The following ARHGAP35 variants were observed in gnomAD, a reference collection of about 807,000 sequenced individuals.
ARHGAP35 encodes the protein rho GTPase-activating protein 35.
ARHGAP35 carries 15 observed loss-of-function variants against 111.1 expected under a neutral mutation model. The ratio of observed to expected loss-of-function variants is 0.13; its 90% CI spans 0.09 to 0.21. The LOEUF is 0.21. ARHGAP35 is among the 10% of genes least tolerant of loss of function. ARHGAP35 has a pLI of 1.00. For synonymous variants in ARHGAP35, 643 were observed against 710.3 expected (o/e 0.91, Z 1.51); for missense variants, 1,262 against 1,873.0 (o/e 0.67, Z 6.02).
At chr19:46,880,079 A>G (rs2055952104) in intron 1 of ARHGAP35, among the ~76,000 whole-genome samples, 4 of 150,848 alleles carry the variant, frequency 2.7e-5, no homozygotes, top group South Asian at 2.1e-4. Context: ...AGGCAAGACA[A>G]TGTCTCAAAA....
At position 46,948,502 on chromosome 19, in the gene ARHGAP35, C is replaced by T. The variant is rs1468659809; in HGVS notation, c.3826+11094C>T. Reference sequence around the variant, plus strand: ...TTCTAGCAGCTTTGTTCATGACAGCCCCAAACTAGGAGCCACCCAGATGTC... The same window carrying T: ...TTCTAGCAGCTTTGTTCATGACAGCTCCAAACTAGGAGCCACCCAGATGTC... On this transcript the variant is annotated intron_variant, in intron 3 of 6. Coordinates refer to ENST00000672722, the MANE Select transcript of ARHGAP35 (RefSeq NM_004491.5). 3 of 152,198 alleles carry T rather than the reference C, an allele frequency of 2.0e-5. No individual in the cohort carries two copies. In the East Asian group the frequency reaches 5.8e-4, roughly 29 times the overall value. The allele number at this position is 152,198 out of a possible 1,614,324, so 9.4% of individuals were successfully genotyped here.
intron 3 of ARHGAP35, among the ~76,000 whole-genome samples, chr19:46,955,560 C>T (rs959547893): frequency 6.6e-6 from 1 of 152,128 alleles, no homozygotes; most frequent in African/African-American, 2.4e-5. Context: ...ATACCTTATT[C>T]ACATAGCATG....
At chr19:46,861,896 C>T (rs1297946993) in intron 1 of ARHGAP35, among the ~76,000 whole-genome samples, 2 of 142,202 alleles carry the variant, frequency 1.4e-5, no homozygotes, top group Non-Finnish European at 3.1e-5. Context: ...GACTGAATCC[C>T]GTTCCCTCGT....
In ARHGAP35 at chr19:46,997,034, G is replaced by A. The variant is rs555311787; in HGVS notation, c.4037-2270G>A. 9.8e-4 allele frequency among the ~76,000 whole-genome samples: 149 copies of A among 152,256 alleles called. 3 individuals carry two copies. In the Middle Eastern group the frequency reaches 0.027, roughly 28 times the overall value. Reference sequence around the variant, plus strand: ...TTAGCAGGCGTGGTGGTGGGCACCTGTAATCCCAGCTACTTGGGAGGCTGA... The same window carrying A: ...TTAGCAGGCGTGGTGGTGGGCACCTATAATCCCAGCTACTTGGGAGGCTGA... On this transcript the variant is annotated intron_variant, in intron 5 of 6. Transcript: ENST00000672722.
At chr19:46,981,583 G>T (rs570205320) in intron 3 of ARHGAP35, among the ~76,000 whole-genome samples, 78 of 152,322 alleles carry the variant, frequency 5.1e-4, no homozygotes, top group African/African-American at 1.7e-3. Flanking sequence ...GGATATTTCA[G>T]AAAATCAGGA....
chr19:46,955,199 G>A (rs1328422304), intron 3 of ARHGAP35, among the ~76,000 whole-genome samples: 1 of 152,178 alleles, frequency 6.6e-6, no homozygotes, highest in African/African-American at 2.4e-5. Context: ...ATTCTAAGCC[G>A]CCCCCGTCCA....
At chr19:46,878,796 G>A (rs900438835) in intron 1 of ARHGAP35, among the ~76,000 whole-genome samples, 53 of 152,100 alleles carry the variant, frequency 3.5e-4, no homozygotes, top group African/African-American at 1.2e-3. Context: ...AAAAAATGCT[G>A]GTGATCATCT....
In ARHGAP35 at chr19:46,863,916, A is replaced by G. The variant is rs375224383; in HGVS notation, c.-189+2707A>G. 1.4e-3 allele frequency among the ~76,000 whole-genome samples: 216 copies of G among 152,256 alleles called. 1 individual carries two copies. The highest frequency in any genetic ancestry group is 5.0e-3 in the African/African-American group (207 of 41,538). ...CAGCTTCCTGGTCTTCAAAATGGTG[A>G]GGGCTTGGGTTTGGAAAGCACTTTG... On this transcript the variant is annotated intron_variant, in intron 1 of 6. Coordinates refer to ENST00000672722, the MANE Select transcript of ARHGAP35 (RefSeq NM_004491.5).
At chr19:46,912,707 G>T (rs1217137677) in intron 1 of ARHGAP35, among the ~76,000 whole-genome samples, 3 of 151,936 alleles carry the variant, frequency 2.0e-5, no homozygotes, top group Non-Finnish European at 2.9e-5. Context: ...GGCCTATTTG[G>T]TAAGTATTAA....
At chr19:46,904,284 AG>A (rs1374218759) in intron 1 of ARHGAP35, among the ~76,000 whole-genome samples, 1 of 152,174 alleles carries the variant, frequency 6.6e-6, no homozygotes, top group Non-Finnish European at 1.5e-5. Context: ...CCTGCCTTCC[AG>A]TGGCTTTCAT....
At chr19:46,964,161 CTCATTATTATATGAG>C (rs1240152901) in intron 3 of ARHGAP35, among the ~76,000 whole-genome samples, 2 of 152,004 alleles carry the variant, frequency 1.3e-5, no homozygotes, top group African/African-American at 4.8e-5. Context: ...AGCCACCGGA[CTCATTATTATATGAG>C]TCATTATTAT....
chr19:46,967,878 C>CCTG (rs2056524284), intron 3 of ARHGAP35, among the ~76,000 whole-genome samples: 1 of 151,364 alleles, frequency 6.6e-6, no homozygotes, highest in Non-Finnish European at 1.5e-5. Context: ...GCCAGGGCTC[C>CCTG]CTGCCGTGTC....
intron 3 of ARHGAP35, among the ~76,000 whole-genome samples, chr19:46,965,112 A>C (rs1243158159): frequency 6.6e-6 from 1 of 152,202 alleles, no homozygotes; most frequent in African/African-American, 2.4e-5. Flanking sequence ...CAGGAGTTTG[A>C]GACCAGCCTG....
At chr19:46,903,705 T>A (rs1486046807) in intron 1 of ARHGAP35, among the ~76,000 whole-genome samples, 2 of 152,244 alleles carry the variant, frequency 1.3e-5, no homozygotes, top group African/African-American at 2.4e-5. Context: ...CTGATATTAC[T>A]GGCCAAGCAC....
chr19:46,903,032 G>A (rs575589392), intron 1 of ARHGAP35, among the ~76,000 whole-genome samples: 24 of 152,292 alleles, frequency 1.6e-4, no homozygotes, highest in African/African-American at 3.9e-4. Context: ...AGAAGGGATC[G>A]TGGTGTTAGA....
chr19:46,975,852 C>A (rs942684347), intron 3 of ARHGAP35, among the ~76,000 whole-genome samples: 1 of 152,168 alleles, frequency 6.6e-6, no homozygotes, highest in East Asian at 1.9e-4. Flanking sequence ...GGAGAGTTGG[C>A]GGGACGAGAG....
intron 1 of ARHGAP35, among the ~76,000 whole-genome samples, chr19:46,864,498 C>G (rs1367944214): frequency 1.3e-5 from 2 of 152,180 alleles, no homozygotes; most frequent in Non-Finnish European, 2.9e-5. Context: ...GTGCTATGAT[C>G]AAACTTTGTT....
chr19:46,928,323 C>T (rs2056250477), intron 2 of ARHGAP35, among the ~76,000 whole-genome samples: 1 of 152,218 alleles, frequency 6.6e-6, no homozygotes, highest in Non-Finnish European at 1.5e-5. Flanking sequence ...TCCTCCACCA[C>T]CTGGTGATAC....
Position 47,002,191 on chromosome 19 carries a change from C to T in ARHGAP35, c.*1503C>T, listed in dbSNP as rs1189813251. The T allele has an allele frequency of 6.5e-6, 1 of 152,764 alleles. No homozygotes were observed. Among genetic ancestry groups the T allele is most frequent in the African/African-American group, 2.4e-5 (1 of 41,462 alleles). 9.5% of individuals were successfully genotyped at this position (152,764 alleles called of 1,614,324 possible). ...GCAGAGGGCCCCATGCCAGACAGCC[C>T]TTGGGGCTCGTTGCACTTTAAGAAA... On this transcript the variant is annotated 3_prime_UTR_variant, in exon 7 of 7. Coordinates refer to ENST00000672722, the MANE Select transcript of ARHGAP35 (RefSeq NM_004491.5).
Sources: allele counts gnomAD v4.1 joint callset (sites outside exome capture counted in the v4.1 genomes callset), GRCh38; gene constraint gnomAD v4.1.1; transcripts MANE v1.5; gene names NCBI Gene and HGNC (gene_info 2026-07-23, HGNC 2026-07-21).